Variants in TOP1MT observed in about 807,000 individuals in gnomAD.
TOP1MT encodes the protein DNA topoisomerase I, mitochondrial.
Under a neutral mutation model 73.9 loss-of-function variants are expected in TOP1MT, and 80 were observed. That is an observed-to-expected ratio of 1.08 (90% CI 0.90 to 1.30). The LOEUF (loss-of-function observed/expected upper bound fraction) is 1.30. Ranked by LOEUF, TOP1MT falls within the 50% of genes most tolerant of loss-of-function variation. The pLI is 0.00. For missense variants in TOP1MT, 815 were observed against 808.0 expected, an observed-to-expected ratio of 1.01 and a Z score of -0.10; for synonymous variants, 338 against 326.4, an observed-to-expected ratio of 1.04 and a Z score of -0.38.
At chr8:143,322,411 ACGCACGCCACACACATGCACACCACACG>A (rs1816468136) in intron 7 of TOP1MT, among the ~76,000 whole-genome samples, 2 of 117,020 alleles carry the variant, frequency 1.7e-5, no homozygotes, top group Non-Finnish European at 1.7e-5. Context: ...CTCACCACAC[ACGCACGCCACACACATGCACACCACACG>A]CACGCCACAC....
At chr8:143,342,238 AT>A in intron 2 of TOP1MT, among the ~76,000 whole-genome samples, 1 of 134,952 alleles carries the variant, frequency 7.4e-6, no homozygotes, top group Admixed American at 7.0e-5. Flanking sequence ...TATTATTATT[AT>A]TATTAGAGAC....
In TOP1MT at chr8:143,315,714, CA is replaced by C; in HGVS notation, c.1553+12del. 1 of 1,611,748 alleles carries C rather than the reference CA, an allele frequency of 6.2e-7. No individual in the cohort carries two copies. The highest frequency in any genetic ancestry group is 8.5e-7 in the Non-Finnish European group (1 of 1,178,142). On this transcript the variant is annotated intron_variant, in intron 12 of 13. Transcript: ENST00000329245. The stretch of plus-strand genomic sequence containing the variant: ...GGCCCCGGGAGAAGGCGTCTGAGGG[CA>C]CGGGTACTCACCTCCTGGACTTGCC...
intron 6 of TOP1MT, 32 bp from the exon 7 acceptor site, chr8:143,324,174 T>C (rs1816639805): frequency 6.2e-7 from 1 of 1,609,094 alleles, no homozygotes. Flanking sequence ...AAAGAAAACA[T>C]TCACATTCCT....
intron 10 of TOP1MT, among the ~76,000 whole-genome samples, chr8:143,317,026 CTG>C (rs1816182871): frequency 6.6e-6 from 1 of 152,266 alleles, no homozygotes; most frequent in Non-Finnish European, 1.5e-5. Flanking sequence ...GCACCGGCCT[CTG>C]AGGCCCACGG....
upstream of TOP1MT, among the ~76,000 whole-genome samples, chr8:143,346,873 T>C (rs956594847): frequency 7.2e-5 from 11 of 152,130 alleles, no homozygotes; most frequent in African/African-American, 1.2e-4. Flanking sequence ...CCAACTCCCA[T>C]GGTAAGAAAT....
intron 9 of TOP1MT, 49 bp from the exon 10 acceptor site, chr8:143,317,886 C>G (rs1816218684): frequency 2.5e-6 from 4 of 1,603,962 alleles, no homozygotes; most frequent in South Asian, 1.1e-5. Flanking sequence ...CGGGGCCGTC[C>G]CAGCCTCCCG....
At chr8:143,318,937 A>C in intron 8 of TOP1MT, among the ~76,000 whole-genome samples, 1 of 152,074 alleles carries the variant, frequency 6.6e-6, no homozygotes. Context: ...CTTTTTCTCT[A>C]CATCACATGC....
chr8:143,334,222 C>T (rs1165407824), intron 1 of TOP1MT: 1 of 152,622 alleles, frequency 6.6e-6, no homozygotes, highest in Admixed American at 6.5e-5. Context: ...TCTCACATGT[C>T]CTCCAGGAAA....
chr8:143,331,461 C>T (rs1035429000), intron 1 of TOP1MT, 122 bp from the exon 2 acceptor site: 8 of 725,676 alleles, frequency 1.1e-5, no homozygotes, highest in East Asian at 2.8e-5. Flanking sequence ...CTCCACCTCA[C>T]GGGGGAGGAA....
chr8:143,338,001 G>T (rs1817011954), upstream of TOP1MT, among the ~76,000 whole-genome samples: 1 of 152,168 alleles, frequency 6.6e-6, no homozygotes, highest in African/African-American at 2.4e-5. Flanking sequence ...ACCCCTTAGA[G>T]TTGTAAGCCC....
chr8:143,322,169 TGCCACACGCAC>T (rs1816442404), intron 7 of TOP1MT, among the ~76,000 whole-genome samples: 1 of 23,314 alleles, frequency 4.3e-5, no homozygotes, highest in Non-Finnish European at 7.4e-5. Flanking sequence ...CACACACGCA[TGCCACACGCAC>T]GCCACACAGG....
At chr8:143,309,580 C>T in intron 13 of TOP1MT, 37 bp from the exon 14 acceptor site, 2 of 1,611,270 alleles carry the variant, frequency 1.2e-6, no homozygotes, top group Non-Finnish European at 8.5e-7. Context: ...AAGCAGGCAA[C>T]TCACCCACCT....
intron 2 of TOP1MT, among the ~76,000 whole-genome samples, chr8:143,342,168 T>G (rs1480548558): frequency 9.4e-6 from 1 of 106,634 alleles, no homozygotes; most frequent in African/African-American, 5.5e-5. Context: ...AGAGTCTCGC[T>G]CTGTTATTAT....
At chr8:143,339,440 GTTAC>G (rs898738860), upstream of TOP1MT, among the ~76,000 whole-genome samples, 3 of 152,162 alleles carry the variant, frequency 2.0e-5, no homozygotes, top group Admixed American at 6.5e-5. Flanking sequence ...CCTTGGCCCG[GTTAC>G]TTAACCTTTT....
At chr8:143,347,296 A>G (rs60678052), upstream of TOP1MT, among the ~76,000 whole-genome samples, 15,779 of 152,224 alleles carry the variant, frequency 0.1, 2,758 homozygotes, top group African/African-American at 0.36. Flanking sequence ...CTGGGACTAC[A>G]GGTGCCCGCC....
intron 3 of TOP1MT, chr8:143,328,457 G>A: frequency 5.4e-6 from 2 of 368,386 alleles, no homozygotes; most frequent in South Asian, 4.1e-5. Context: ...AATATCACTT[G>A]TCATTAGGGA....
chr8:143,322,145 CGCCACACGCACGCCACACACGCAT>C (rs1383432906), intron 7 of TOP1MT, among the ~76,000 whole-genome samples: 3 of 103,406 alleles, frequency 2.9e-5, no homozygotes, highest in Admixed American at 1.1e-4. Flanking sequence ...CACACAGGCA[CGCCACACGCACGCCACACACGCAT>C]GCCACACGCA....
rs754188672 is a variant in TOP1MT at position 143,332,511 on chromosome 8, G to A, written c.123-1172C>T. The A allele has an allele frequency of 5.3e-5, 68 of 1,289,398 alleles. 2 individuals carry two copies. The South Asian group carries it at 6.8e-4, about 13-fold the overall frequency. 79.9% of individuals were successfully genotyped at this position (1,289,398 alleles called of 1,614,324 possible). A position where few individuals can be genotyped will look rare whatever the true frequency, so the allele number is the denominator to read the frequency against. ...CCTGCCAGAGCCAGGAGACCTGCAC[G>A]TGACCCCAGCCAGGTAGTGCTGTTG... On this transcript the variant is annotated intron_variant, in intron 1 of 13. Transcript: ENST00000329245.
At chr8:143,346,131 C>A (rs1423029510), upstream of TOP1MT, among the ~76,000 whole-genome samples, 1 of 152,200 alleles carries the variant, frequency 6.6e-6, no homozygotes, top group Non-Finnish European at 1.5e-5. Flanking sequence ...CTGTGTGACT[C>A]CAGAGCCCAG....
Sources: gnomAD v4.1 joint callset for allele counts (sites outside exome capture counted in the v4.1 genomes callset) on GRCh38, gnomAD v4.1.1 for gene constraint, MANE v1.5 for transcripts, NCBI Gene and HGNC (gene_info 2026-07-23, HGNC 2026-07-21) for gene names.